The following TRPC7 variants were observed in gnomAD, a reference collection of about 807,000 sequenced individuals.
The protein encoded by TRPC7 is transient receptor potential cation channel subfamily C member 7.
TRPC7 carries 42 observed loss-of-function variants against 90.1 expected under a neutral mutation model. The observed-to-expected ratio is 0.47, with a 90% CI of 0.36 to 0.60. The LOEUF is 0.60. TRPC7 is among the 20% of genes least tolerant of loss of function. The pLI, the probability that TRPC7 is intolerant of heterozygous loss-of-function variation, is 0.00. For missense variants in TRPC7, 955 were observed against 1,112.3 expected, an observed-to-expected ratio of 0.86 and a Z score of 2.01; for synonymous variants, 451 against 436.3, an observed-to-expected ratio of 1.03 and a Z score of -0.42.
chr5:136,313,250 T>C (rs1369478457), intron 3 of TRPC7, among the ~76,000 whole-genome samples: 1 of 152,222 alleles, frequency 6.6e-6, no homozygotes, highest in East Asian at 1.9e-4. Context: ...TAGCAGCCCA[T>C]GGAACTGCTA....
chr5:136,251,387 T>G (rs1403173180), intron 6 of TRPC7, among the ~76,000 whole-genome samples: 1 of 152,146 alleles, frequency 6.6e-6, no homozygotes, highest in Admixed American at 6.5e-5. Context: ...CAGAAACAAA[T>G]TCACCCTTAA....
intron 6 of TRPC7, among the ~76,000 whole-genome samples, chr5:136,251,421 G>A (rs1424137917): frequency 6.6e-6 from 1 of 152,178 alleles, no homozygotes; most frequent in Non-Finnish European, 1.5e-5. Context: ...ATTTCTCAAA[G>A]TCACTAATTC....
At chr5:136,349,549 C>T (rs942943914) in intron 2 of TRPC7, among the ~76,000 whole-genome samples, 2 of 152,054 alleles carry the variant, frequency 1.3e-5, no homozygotes, top group Non-Finnish European at 2.9e-5. Context: ...CTCATTTAAT[C>T]CTCACCAACA....
intron 10 of TRPC7, among the ~76,000 whole-genome samples, chr5:136,221,636 T>G (rs1755464203): frequency 6.6e-6 from 1 of 152,078 alleles, no homozygotes; most frequent in Non-Finnish European, 1.5e-5. Flanking sequence ...AAACAGAAAT[T>G]GAGGAACATT....
chr5:136,357,437 G>A, intron 1 of TRPC7, 52 bp from the exon 2 acceptor site: 1 of 1,510,810 alleles, frequency 6.6e-7, no homozygotes, highest in Non-Finnish European at 8.8e-7. Flanking sequence ...TTCCCTAGCA[G>A]TAGAGCACAC....
In TRPC7 at chr5:136,356,937, A is replaced by G; in HGVS notation, c.451T>C (p.Phe151Leu). The change falls in exon 2 of 12, where the codon TTC becomes CTC. Residue 151 changes from phenylalanine (F) to leucine (L), a missense_variant. By Grantham distance (22) the Phe-to-Leu change is conservative (BLOSUM62 0). Transcript: ENST00000513104. ...GTGCCGTCCTCGTCGTAGGCATAGA[A>G]GTCGTCGTCGCGCAGCTCCTGTTCC... ...PLEQELRDDD[F>L]YAYDEDGTRF... The G allele has an allele frequency of 6.2e-7, 1 of 1,613,264 alleles. No individual in the cohort carries two copies. The highest frequency in any genetic ancestry group is 8.5e-7 in the Non-Finnish European group (1 of 1,179,826).
At chr5:136,308,499 G>A (rs1162455150) in intron 3 of TRPC7, among the ~76,000 whole-genome samples, 1 of 152,218 alleles carries the variant, frequency 6.6e-6, no homozygotes, top group Non-Finnish European at 1.5e-5. Context: ...GAGAATGTCT[G>A]CTCAGGGCAT....
At chr5:136,337,663 CAAAA>C (rs55856709) in intron 2 of TRPC7, among the ~76,000 whole-genome samples, 3 of 121,606 alleles carry the variant, frequency 2.5e-5, no homozygotes, top group Non-Finnish European at 3.5e-5. Context: ...GAGACTCCAT[CAAAA>C]AAAAAAAAAA....
At chr5:136,276,516 G>A (rs2149816132) in intron 3 of TRPC7, among the ~76,000 whole-genome samples, 2 of 152,298 alleles carry the variant, frequency 1.3e-5, no homozygotes, top group South Asian at 4.1e-4. Flanking sequence ...GTGACAACAT[G>A]TTTCCCATTT....
At chr5:136,346,049 G>A (rs963145517) in intron 2 of TRPC7, among the ~76,000 whole-genome samples, 1 of 152,058 alleles carries the variant, frequency 6.6e-6, no homozygotes, top group Non-Finnish European at 1.5e-5. Context: ...GTTCTGTTCT[G>A]TTCCATTGGT....
At chr5:136,252,350 GTTTT>G (rs953511637) in intron 5 of TRPC7, among the ~76,000 whole-genome samples, 8 of 151,884 alleles carry the variant, frequency 5.3e-5, no homozygotes, top group Admixed American at 2.0e-4. Context: ...ATAGAACCCA[GTTTT>G]TTGTTTTGTT....
intron 4 of TRPC7, among the ~76,000 whole-genome samples, chr5:136,267,825 A>G (rs1400937252): frequency 6.6e-6 from 1 of 152,230 alleles, no homozygotes; most frequent in African/African-American, 2.4e-5. Flanking sequence ...TCATCTGCAT[A>G]TTGTCATATG....
At chr5:136,250,213 A>G (rs1342550400) in intron 6 of TRPC7, among the ~76,000 whole-genome samples, 1 of 152,050 alleles carries the variant, frequency 6.6e-6, no homozygotes, top group African/African-American at 2.4e-5. Context: ...ATACTACAAG[A>G]CTCTCCATTT....
chr5:136,365,520 T>C lies in TRPC7; in HGVS notation c.-266A>G, dbSNP rs1760696932. 1.8e-6 allele frequency: 1 copy of C among 562,240 alleles called. No individual in the cohort carries two copies. Among genetic ancestry groups the C allele is most frequent in the Non-Finnish European group, 3.2e-6 (1 of 315,848 alleles). 34.8% of individuals were successfully genotyped at this position (562,240 alleles called of 1,614,324 possible). On this transcript the variant is annotated 5_prime_UTR_variant, in exon 1 of 12. An upstream start codon of the reference 5' UTR is lost. Transcript: ENST00000513104. ...TCGGGGGGAAATTTCCCAGAGAACA[T>C]GACGGAGAAGCATCTGTGTGAGAGT...
intron 2 of TRPC7, among the ~76,000 whole-genome samples, chr5:136,346,527 C>A (rs1760011860): frequency 6.6e-6 from 1 of 152,020 alleles, no homozygotes; most frequent in Non-Finnish European, 1.5e-5. Context: ...AACACATACA[C>A]CATGTACACA....
rs772458087 is a variant in TRPC7 at position 136,213,390 on chromosome 5, T to A, written c.*45A>T. The A allele has an allele frequency of 2.5e-6, 4 of 1,602,888 alleles. No homozygotes were observed. The South Asian group carries it at 4.5e-5, about 18-fold the overall frequency. ...AGGATGGGGGCGAGGGCATCCAACC[T>A]GGCCTTGGAATGCTGGTAGAAGTCA... On this transcript the variant is annotated 3_prime_UTR_variant, in exon 12 of 12. Coordinates refer to ENST00000513104, the MANE Select transcript of TRPC7 (RefSeq NM_020389.3).
chr5:136,354,633 TC>T (rs1760305944), intron 2 of TRPC7, among the ~76,000 whole-genome samples: 1 of 152,190 alleles, frequency 6.6e-6, no homozygotes, highest in South Asian at 2.1e-4. Context: ...CAAGTTAATT[TC>T]CCAAACTCTA....
chr5:136,360,065 A>T (rs1760521982), intron 1 of TRPC7, among the ~76,000 whole-genome samples: 1 of 152,186 alleles, frequency 6.6e-6, no homozygotes, highest in African/African-American at 2.4e-5. Context: ...AATAGGTCAG[A>T]CTACAAGGTC....
At chr5:136,335,370 C>T (rs1185771123) in intron 2 of TRPC7, among the ~76,000 whole-genome samples, 1 of 152,042 alleles carries the variant, frequency 6.6e-6, no homozygotes, top group African/African-American at 2.4e-5. Flanking sequence ...GAGTTCCCTC[C>T]ACTTAGCCCT....
Sources: allele counts gnomAD v4.1 joint callset (sites outside exome capture counted in the v4.1 genomes callset), GRCh38; gene constraint gnomAD v4.1.1; transcripts MANE v1.5; gene names NCBI Gene and HGNC (gene_info 2026-07-23, HGNC 2026-07-21).